Variants in GPC5 observed in about 807,000 individuals in gnomAD.
GPC5 encodes glypican 5.
Under a neutral mutation model 53.9 loss-of-function variants are expected in GPC5, and 47 were observed. The observed-to-expected ratio is 0.87, with a 90% CI of 0.69 to 1.11. GPC5 has a LOEUF of 1.11. GPC5 is among the 50% of genes most tolerant of loss of function. The pLI is 0.00. For missense variants in GPC5, 748 were observed against 713.1 expected (o/e 1.05, Z -0.56); for synonymous variants, 286 against 263.3 (o/e 1.09, Z -0.84).
intron 7 of GPC5, among the ~76,000 whole-genome samples, chr13:92,731,760 T>C (rs1477722877): frequency 2.1e-4 from 32 of 151,450 alleles, no homozygotes; most frequent in Admixed American, 2.0e-3. Flanking sequence ...TTAGAAATAA[T>C]AGATCTCATC....
At position 91,947,935 on chromosome 13, in the gene GPC5, A is replaced by T. The variant is rs927969800; in HGVS notation, c.1401+39878A>T. Among the ~76,000 whole-genome samples the T allele has an allele frequency of 2.6e-5, 4 of 152,080 alleles. No homozygotes were observed. In the East Asian group the frequency reaches 7.7e-4, roughly 29 times the overall value. On this transcript the variant is annotated intron_variant, in intron 6 of 7. Coordinates refer to ENST00000377067, the MANE Select transcript of GPC5 (RefSeq NM_004466.6). ...GGGAGGCCGAGGCGGGTGGATCACG[A>T]GGTCGGGAGATTGAGACCATCCTGA...
intron 2 of GPC5, among the ~76,000 whole-genome samples, chr13:91,646,453 A>G (rs1228484259): frequency 1.3e-5 from 2 of 151,910 alleles, no homozygotes; most frequent in Non-Finnish European, 2.9e-5. Context: ...TGATTATACT[A>G]TATATATAGT....
At chr13:92,706,542 C>A (rs1887958193) in intron 7 of GPC5, among the ~76,000 whole-genome samples, 1 of 151,968 alleles carries the variant, frequency 6.6e-6, no homozygotes, top group South Asian at 2.1e-4. Flanking sequence ...TCTACTTTGT[C>A]CAAATATGAT....
chr13:92,273,374 A>G (rs2042853227), intron 7 of GPC5, among the ~76,000 whole-genome samples: 1 of 152,098 alleles, frequency 6.6e-6, no homozygotes, highest in African/African-American at 2.4e-5. Flanking sequence ...CTCATTAGCT[A>G]TGGCCAGTGA....
At chr13:92,737,833 C>T (rs1403028487) in intron 7 of GPC5, among the ~76,000 whole-genome samples, 1 of 121,232 alleles carries the variant, frequency 8.2e-6, no homozygotes, top group African/African-American at 3.2e-5. Flanking sequence ...ATGGCGTGAT[C>T]TTGGCTCACC....
At chr13:91,616,697 A>C (rs1453681163) in intron 2 of GPC5, among the ~76,000 whole-genome samples, 1 of 152,176 alleles carries the variant, frequency 6.6e-6, no homozygotes, top group East Asian at 1.9e-4. Flanking sequence ...CACTGAAAAA[A>C]AAGATCATAT....
intron 5 of GPC5, among the ~76,000 whole-genome samples, chr13:91,798,839 T>A (rs1204296954): frequency 6.6e-6 from 1 of 152,194 alleles, no homozygotes; most frequent in East Asian, 1.9e-4. Context: ...ACCATCAGTG[T>A]GAAAGTGTTC....
chr13:91,466,836 T>G (rs966195843), intron 2 of GPC5, among the ~76,000 whole-genome samples: 9 of 152,150 alleles, frequency 5.9e-5, no homozygotes, highest in Admixed American at 3.3e-4. Flanking sequence ...TTTAACGAAG[T>G]TCTTTTGAAA....
rs2037294797 is a variant in GPC5 at position 91,756,429 on chromosome 13, T to C, written c.1280+9T>C. On this transcript the variant is annotated intron_variant, in intron 5 of 7. Transcript: ENST00000377067. ...GAAGATATAGTAAAAAGGTATTTTA[T>C]GTGGTCTGTGAAAACCTACTAGTTA... The C allele has an allele frequency of 6.4e-7, 1 of 1,565,602 alleles. No individual in the cohort carries two copies. The highest frequency in any genetic ancestry group is 8.7e-7 in the Non-Finnish European group (1 of 1,146,348).
At chr13:92,431,559 A>T (rs1202344045) in intron 7 of GPC5, among the ~76,000 whole-genome samples, 1 of 152,190 alleles carries the variant, frequency 6.6e-6, no homozygotes, top group Non-Finnish European at 1.5e-5. Context: ...TATAATTAAT[A>T]TTTAGAAGCA....
At chr13:91,443,570 C>CTACG (rs1880592386) in intron 1 of GPC5, among the ~76,000 whole-genome samples, 1 of 152,130 alleles carries the variant, frequency 6.6e-6, no homozygotes, top group African/African-American at 2.4e-5. Context: ...TTGCTATCTG[C>CTACG]TACGTAAGAT....
intron 5 of GPC5, among the ~76,000 whole-genome samples, chr13:91,889,841 G>A (rs925646429): frequency 3.3e-5 from 5 of 152,128 alleles, no homozygotes; most frequent in Non-Finnish European, 5.9e-5. Flanking sequence ...TTAAGCAAAT[G>A]ATTGCACAAT....
At chr13:91,922,906 A>G (rs1379956273) in intron 6 of GPC5, among the ~76,000 whole-genome samples, 1 of 151,954 alleles carries the variant, frequency 6.6e-6, no homozygotes, top group African/African-American at 2.4e-5. Flanking sequence ...CTCTGGAGAA[A>G]CCTCTCTAGC....
At chr13:91,899,596 G>A (rs930650009) in intron 5 of GPC5, among the ~76,000 whole-genome samples, 1 of 151,990 alleles carries the variant, frequency 6.6e-6, no homozygotes, top group African/African-American at 2.4e-5. Flanking sequence ...TTTAGAATGC[G>A]ACTTATTTGG....
intron 2 of GPC5, among the ~76,000 whole-genome samples, chr13:91,531,575 G>A (rs1886347566): frequency 6.6e-6 from 1 of 152,162 alleles, no homozygotes. Flanking sequence ...ACAGAAGGGA[G>A]TGTGCCGTTA....
At chr13:91,747,816 A>T (rs2037084496) in intron 4 of GPC5, among the ~76,000 whole-genome samples, 1 of 152,186 alleles carries the variant, frequency 6.6e-6, no homozygotes, top group African/African-American at 2.4e-5. Context: ...TTTTCAGTTA[A>T]TTAATTAAAC....
At chr13:92,298,369 A>G (rs2043052849) in intron 7 of GPC5, among the ~76,000 whole-genome samples, 1 of 152,166 alleles carries the variant, frequency 6.6e-6, no homozygotes, top group African/African-American at 2.4e-5. Context: ...AAATTGTTAC[A>G]AAATTCAACC....
intron 7 of GPC5, among the ~76,000 whole-genome samples, chr13:92,417,263 T>C (rs543746348): frequency 5.7e-4 from 87 of 152,312 alleles, no homozygotes; most frequent in African/African-American, 2.1e-3. Flanking sequence ...ATGTTCAACA[T>C]CCTTAGCTGT....
intron 6 of GPC5, among the ~76,000 whole-genome samples, chr13:92,002,949 A>C (rs2040568968): frequency 6.6e-6 from 1 of 152,190 alleles, no homozygotes; most frequent in Non-Finnish European, 1.5e-5. Flanking sequence ...TAAAGCATTT[A>C]AGAACATTTA....
Sources: allele counts gnomAD v4.1 joint callset (sites outside exome capture counted in the v4.1 genomes callset), GRCh38; gene constraint gnomAD v4.1.1; transcripts MANE v1.5; gene names NCBI Gene and HGNC (gene_info 2026-07-23, HGNC 2026-07-21).